Variants in NTMT1 observed in about 807,000 individuals in gnomAD.
The protein encoded by NTMT1 is N-terminal Xaa-Pro-Lys N-methyltransferase 1.
In NTMT1, 8 loss-of-function variants were observed where a neutral mutation model predicts 17.5. That is an observed-to-expected ratio of 0.46 (90% CI 0.27 to 0.82). NTMT1 has a LOEUF of 0.82. NTMT1 is among the 40% of genes least tolerant of loss of function. The pLI, the probability that NTMT1 is intolerant of heterozygous loss-of-function variation, is 0.15. For missense variants in NTMT1, 221 were observed against 303.5 expected (o/e 0.73, Z 2.02); for synonymous variants, 128 against 126.8 (o/e 1.01, Z -0.06).
chr9:129,617,621 T>C (rs1384708579), intron 1 of NTMT1, among the ~76,000 whole-genome samples: 1 of 152,232 alleles, frequency 6.6e-6, no homozygotes, highest in Non-Finnish European at 1.5e-5. Flanking sequence ...TGAGAAGTCA[T>C]GTGTATATTT....
At chr9:129,609,926 A>T (rs1830072749) in intron 1 of NTMT1, among the ~76,000 whole-genome samples, 1 of 150,392 alleles carries the variant, frequency 6.6e-6, no homozygotes, top group African/African-American at 2.5e-5. Flanking sequence ...GTAGGGCAGG[A>T]GTCCGGGTAT....
Position 129,613,249 on chromosome 9 carries a change from G to A in NTMT1, c.-55+4071G>A, listed in dbSNP as rs1199743641. The A allele has an allele frequency of 6.2e-7, 1 of 1,602,990 alleles. No homozygotes were observed. On this transcript the variant is annotated intron_variant, in intron 1 of 3. Coordinates refer to the NTMT1 transcript ENST00000372486. The surrounding 1 kb of genome is among the most constrained non-coding windows in gnomAD (Gnocchi z 6.2). Reference sequence around the variant, plus strand: ...AAGGTAGCCCTGTGTCTTCTGGGTGGACCTGGGGGAGACAGGACCCCATGA... The same window carrying A: ...AAGGTAGCCCTGTGTCTTCTGGGTGAACCTGGGGGAGACAGGACCCCATGA...
Position 129,620,520 on chromosome 9 carries a change from G to A in NTMT1, c.-55+11342G>A, listed in dbSNP as rs1324654988. ...CTGCGTCGGAAGTCTCCGTCGCCAGGGAGCCCCTTGGGCGCCAGGTCCTGG... is the reference window on the plus strand; with the variant it reads ...CTGCGTCGGAAGTCTCCGTCGCCAGAGAGCCCCTTGGGCGCCAGGTCCTGG... On this transcript the variant is annotated intron_variant, in intron 1 of 3. Transcript: ENST00000372486. The surrounding 1 kb of genome is among the most constrained non-coding windows in gnomAD (Gnocchi z 5.8). 1.4e-6 allele frequency: 2 copies of A among 1,445,006 alleles called. No individual in the cohort carries two copies. Among genetic ancestry groups the A allele is most frequent in the East Asian group, 2.8e-5 (1 of 35,974 alleles). 89.5% of individuals were successfully genotyped at this position (1,445,006 alleles called of 1,614,324 possible).
Position 129,613,325 on chromosome 9 carries a change from A to G in NTMT1, c.-55+4147A>G. ...CCACCCATGGCTGGCAGGGCCCTTG[A>G]GGACCCACACTGGCAACCCGCCTGC... is the stretch of plus-strand genomic sequence containing the variant. On this transcript the variant is annotated intron_variant, in intron 1 of 3. Transcript: ENST00000372486. The surrounding 1 kb of genome is among the most constrained non-coding windows in gnomAD (Gnocchi z 6.2). 6.4e-7 allele frequency: 1 copy of G among 1,565,542 alleles called. No homozygotes were observed. Among genetic ancestry groups the G allele is most frequent in the Non-Finnish European group, 8.7e-7 (1 of 1,154,710 alleles).
At chr9:129,633,267 C>T (rs1365024476) in intron 2 of NTMT1, 1 of 360,526 alleles carries the variant, frequency 2.8e-6, no homozygotes, top group Non-Finnish European at 4.9e-6. Context: ...CCAGCCTTTT[C>T]TGTACCAGGC....
At chr9:129,616,996 G>A (rs971381453) in intron 1 of NTMT1, among the ~76,000 whole-genome samples, 1 of 152,122 alleles carries the variant, frequency 6.6e-6, no homozygotes, top group Non-Finnish European at 1.5e-5. Context: ...GAACCCAGGA[G>A]GTAGAGGTTG....
At chr9:129,632,621 C>G in intron 1 of NTMT1, 29 bp from the exon 2 acceptor site, 1 of 1,548,314 alleles carries the variant, frequency 6.5e-7, no homozygotes, top group Non-Finnish European at 8.8e-7. Context: ...GTCCCTGGCC[C>G]GCTGACTCAC....
chr9:129,628,790 G>A (rs981773660), intron 1 of NTMT1: 10 of 152,326 alleles, frequency 6.6e-5, no homozygotes, highest in East Asian at 3.9e-4. Flanking sequence ...TGTGTTTCAT[G>A]GGATGCAAGA....
Position 129,613,560 on chromosome 9 carries a change from C to G in NTMT1, c.-55+4382C>G, listed in dbSNP as rs762281716. 6.2e-7 allele frequency: 1 copy of G among 1,614,184 alleles called. No homozygotes were observed. On this transcript the variant is annotated intron_variant, in intron 1 of 3. Coordinates refer to the NTMT1 transcript ENST00000372486. This position sits in a 1 kb window ranked among gnomAD's most constrained non-coding sequence, Gnocchi z 6.2. ...CAAACACCCGCTCGGACGCCACTGG[C>G]AGGGCGGCCTTCTGGTTCACAATGA...
In NTMT1 at chr9:129,613,553, C is replaced by T. The variant is rs1830194340; in HGVS notation, c.-55+4375C>T. On this transcript the variant is annotated intron_variant, in intron 1 of 3. Transcript: ENST00000372486. This position sits in a 1 kb window ranked among gnomAD's most constrained non-coding sequence, Gnocchi z 6.2. Reference sequence around the variant, plus strand: ...ACACTCCCAAACACCCGCTCGGACGCCACTGGCAGGGCGGCCTTCTGGTTC... The same window carrying T: ...ACACTCCCAAACACCCGCTCGGACGTCACTGGCAGGGCGGCCTTCTGGTTC... The T allele has an allele frequency of 6.2e-7, 1 of 1,614,156 alleles. No homozygotes were observed. Among genetic ancestry groups the T allele is most frequent in the African/African-American group, 1.3e-5 (1 of 75,048 alleles).
At chr9:129,618,868 GTTTTTTTTT>G (rs34259203) in intron 1 of NTMT1, among the ~76,000 whole-genome samples, 2 of 128,280 alleles carry the variant, frequency 1.6e-5, no homozygotes, top group Admixed American at 7.9e-5. Context: ...AATTTTTTGT[GTTTTTTTTT>G]TTTTTTTTGT....
intron 1 of NTMT1, among the ~76,000 whole-genome samples, chr9:129,630,034 G>A (rs1831082723): frequency 6.6e-6 from 1 of 152,242 alleles, no homozygotes; most frequent in Admixed American, 6.5e-5. Flanking sequence ...GATCTAAGAA[G>A]AACCCCGTTG....
intron 1 of NTMT1, chr9:129,619,760 A>T: frequency 6.2e-7 from 1 of 1,614,058 alleles, no homozygotes; most frequent in Non-Finnish European, 8.5e-7. Flanking sequence ...GGAGGAATGA[A>T]CAGTTGGGAC....
chr9:129,617,527 T>G (rs1038610997), intron 1 of NTMT1, among the ~76,000 whole-genome samples: 1 of 152,250 alleles, frequency 6.6e-6, no homozygotes, highest in Non-Finnish European at 1.5e-5. Flanking sequence ...TGCTCTTGAA[T>G]GTGAAAGTCT....
chr9:129,635,215 C>G lies in NTMT1; in HGVS notation c.423C>G (p.Leu141=), dbSNP rs368286471. ...VIWIQWVIGH[L]TDQHLAEFLR... is the part of the protein sequence containing the mutation. Reference sequence around the variant, plus strand: ...TGCCTCTGCCCTCCCCAGGCCACCTCACCGATCAGCACCTGGCCGAGTTCC... The same window carrying G: ...TGCCTCTGCCCTCCCCAGGCCACCTGACCGATCAGCACCTGGCCGAGTTCC... Residue 141 remains leucine (L), a synonymous_variant, in exon 4 of 4, where the codon CTC becomes CTG. Coordinates refer to ENST00000372483, the MANE Select transcript of NTMT1 (RefSeq NM_014064.4). 2 of 1,608,794 alleles carry G rather than the reference C, an allele frequency of 1.2e-6. No homozygotes were observed. Among genetic ancestry groups the G allele is most frequent in the Admixed American group, 3.3e-5 (2 of 60,012 alleles).
chr9:129,621,770 C>T (rs1830728082), upstream of NTMT1, among the ~76,000 whole-genome samples: 1 of 152,152 alleles, frequency 6.6e-6, no homozygotes, highest in African/African-American at 2.4e-5. Context: ...CTCCCAACCA[C>T]ACCCCACTCC....
chr9:129,612,976 C>A, intron 1 of NTMT1: 1 of 1,183,248 alleles, frequency 8.5e-7, no homozygotes, highest in Non-Finnish European at 1.2e-6. Flanking sequence ...TGCAAGCCCC[C>A]ACGGTGACTT....
rs1830664625 is a variant in NTMT1, at chr9:129,620,759, T to A, written c.-55+11581T>A. On this transcript the variant is annotated intron_variant, in intron 1 of 3. Coordinates refer to the NTMT1 transcript ENST00000372486. The surrounding 1 kb of genome is among the most constrained non-coding windows in gnomAD (Gnocchi z 5.8). ...CAGGCGAGAGCTCCCAGAGCCTCTGTTTCCTCACCTGAAAAATGGTGACAG... is the reference window on the plus strand; with the variant it reads ...CAGGCGAGAGCTCCCAGAGCCTCTGATTCCTCACCTGAAAAATGGTGACAG... 2 of 472,446 alleles carry A rather than the reference T, an allele frequency of 4.2e-6. No individual in the cohort carries two copies. Among genetic ancestry groups the A allele is most frequent in the East Asian group, 7.1e-5 (2 of 28,140 alleles). The allele number at this position is 472,446 out of a possible 1,614,324, so 29.3% of individuals were successfully genotyped here. A position where few individuals can be genotyped will look rare whatever the true frequency, so the allele number is the denominator to read the frequency against.
intron 1 of NTMT1, among the ~76,000 whole-genome samples, chr9:129,609,665 G>A (rs930548093): frequency 3.3e-5 from 5 of 151,884 alleles, no homozygotes; most frequent in Non-Finnish European, 7.4e-5. Context: ...GAGGGTGAGA[G>A]ATAGGCCCCC....
Sources: gnomAD v4.1 joint callset for allele counts (sites outside exome capture counted in the v4.1 genomes callset) on GRCh38, gnomAD v4.1.1 for gene constraint, Gnocchi (gnomAD v3.1) non-coding constraint, MANE v1.5 for transcripts, NCBI Gene and HGNC (gene_info 2026-07-23, HGNC 2026-07-21) for gene names.